The following SIPA1L1 variants were observed in gnomAD, a reference collection of about 807,000 sequenced individuals.
The protein encoded by SIPA1L1 is signal induced proliferation associated 1 like 1.
In SIPA1L1, 26 loss-of-function variants were observed where a neutral mutation model predicts 162.7. The observed-to-expected ratio is 0.16, with a 90% confidence interval of 0.12 to 0.22. The LOEUF is 0.22. Among genes scored for constraint, SIPA1L1 ranks in the 10% least tolerant of loss-of-function variants. The probability of loss-of-function intolerance (pLI) is 1.00; values close to 1 mark genes in which losing one functional copy is unlikely to be tolerated. For missense variants in SIPA1L1, 1,874 were observed against 2,241.0 expected (o/e 0.84, Z 3.31); for synonymous variants, 829 against 837.4 (o/e 0.99, Z 0.17).
chr14:71,415,531 C>G (rs2042695476), intron 2 of SIPA1L1, among the ~76,000 whole-genome samples: 1 of 152,182 alleles, frequency 6.6e-6, no homozygotes, highest in South Asian at 2.1e-4. Flanking sequence ...GAATGTAGCT[C>G]TGCTCTGGTA....
At chr14:71,698,284 A>G (rs1480754469) in intron 13 of SIPA1L1, among the ~76,000 whole-genome samples, 9 of 152,218 alleles carry the variant, frequency 5.9e-5, no homozygotes, top group African/African-American at 1.7e-4. Flanking sequence ...CCACAAAGCT[A>G]TGGTTTCTGC....
chr14:71,460,626 C>T (rs576010016), intron 2 of SIPA1L1, among the ~76,000 whole-genome samples: 22 of 152,260 alleles, frequency 1.4e-4, no homozygotes, highest in South Asian at 6.2e-4. Context: ...CTGGTGGCAG[C>T]GTTCCTCCCT....
At chr14:71,597,006 C>T (rs1249998701) in intron 5 of SIPA1L1, among the ~76,000 whole-genome samples, 1 of 152,116 alleles carries the variant, frequency 6.6e-6, no homozygotes, top group South Asian at 2.1e-4. Flanking sequence ...GGGTCTTCCA[C>T]TGTCACAGGC....
At chr14:71,385,509 A>G (rs1269484540) in intron 2 of SIPA1L1, among the ~76,000 whole-genome samples, 1 of 152,196 alleles carries the variant, frequency 6.6e-6, no homozygotes, top group Non-Finnish European at 1.5e-5. Context: ...TATCCAATAG[A>G]TGTATGCTGT....
chr14:71,667,341 A>G (rs1444523601), intron 10 of SIPA1L1, among the ~76,000 whole-genome samples: 1 of 152,052 alleles, frequency 6.6e-6, no homozygotes, highest in Non-Finnish European at 1.5e-5. Context: ...CCTAAGTGCT[A>G]CCAGTAGCAC....
chr14:71,625,723 A>G (rs972770132), intron 7 of SIPA1L1, among the ~76,000 whole-genome samples: 1 of 152,222 alleles, frequency 6.6e-6, no homozygotes, highest in African/African-American at 2.4e-5. Context: ...AACTTTATTG[A>G]TTCGGTCATT....
chr14:71,738,801 T>C (rs1168102439), intron 23 of SIPA1L1, among the ~76,000 whole-genome samples: 1 of 152,192 alleles, frequency 6.6e-6, no homozygotes, highest in Non-Finnish European at 1.5e-5. Context: ...CCAGGATTAC[T>C]TAGAGCTAAT....
chr14:71,468,042 GTGTGTC>G (rs1372134750), intron 2 of SIPA1L1, among the ~76,000 whole-genome samples: 10 of 150,840 alleles, frequency 6.6e-5, no homozygotes, highest in East Asian at 3.9e-4. Context: ...GTGTGTGTGT[GTGTGTC>G]TGTCTGTGTC....
At chr14:71,646,761 A>C (rs2042208193) in intron 7 of SIPA1L1, among the ~76,000 whole-genome samples, 3 of 152,240 alleles carry the variant, frequency 2.0e-5, no homozygotes, top group Non-Finnish European at 4.4e-5. Context: ...TAAATGACCC[A>C]GAGGTTATCC....
chr14:71,603,998 T>C (rs577738800), intron 5 of SIPA1L1, among the ~76,000 whole-genome samples: 1 of 145,046 alleles, frequency 6.9e-6, no homozygotes, highest in African/African-American at 2.5e-5. Context: ...TATATATATA[T>C]AAATTTTTTT....
rs117357993 is a variant in SIPA1L1, at chr14:71,636,195, C to T, written c.1818+11959C>T. On this transcript the variant is annotated intron_variant, in intron 7 of 23. Transcript: ENST00000381232. ...AAGACATAGAACTTCACAACATCAA[C>T]CAATAGGATCTAATTGACATAAAGC... Among the ~76,000 whole-genome samples, 812 of 152,306 alleles carry T rather than the reference C, an allele frequency of 5.3e-3. 5 individuals carry two copies. The highest frequency in any genetic ancestry group is 9.9e-3 in the South Asian group (48 of 4,828).
chr14:71,544,442 C>T (rs557786360), intron 4 of SIPA1L1, among the ~76,000 whole-genome samples: 16 of 151,876 alleles, frequency 1.1e-4, no homozygotes, highest in South Asian at 2.1e-4. Flanking sequence ...ATTTTCTTAA[C>T]GATGTCTCTT....
intron 7 of SIPA1L1, among the ~76,000 whole-genome samples, chr14:71,626,692 T>C (rs899920168): frequency 1.3e-5 from 2 of 152,190 alleles, no homozygotes; most frequent in African/African-American, 4.8e-5. Flanking sequence ...TTAAAGAGAT[T>C]CATAGTGTGA....
intron 2 of SIPA1L1, among the ~76,000 whole-genome samples, chr14:71,356,363 AAT>A (rs2037238129): frequency 6.6e-6 from 1 of 151,730 alleles, no homozygotes; most frequent in Non-Finnish European, 1.5e-5. Flanking sequence ...TGTTAATTAT[AAT>A]TATAAGCAGT....
intron 2 of SIPA1L1, among the ~76,000 whole-genome samples, chr14:71,323,832 A>G (rs1463639404): frequency 1.3e-5 from 2 of 152,212 alleles, no homozygotes; most frequent in African/African-American, 4.8e-5. Flanking sequence ...ACCTGGCCAC[A>G]TGGAACTTGT....
At chr14:71,543,004 T>A (rs2054617895) in intron 4 of SIPA1L1, among the ~76,000 whole-genome samples, 1 of 152,114 alleles carries the variant, frequency 6.6e-6, no homozygotes, top group South Asian at 2.1e-4. Context: ...TTCTCTGGGA[T>A]GTGAATTCTC....
At chr14:71,705,591 A>G (rs1176991267) in intron 16 of SIPA1L1, among the ~76,000 whole-genome samples, 1 of 152,020 alleles carries the variant, frequency 6.6e-6, no homozygotes, top group African/African-American at 2.4e-5. Context: ...AGTCACTAAC[A>G]ATCCTGAAAT....
chr14:71,332,663 A>G (rs1566898083), intron 2 of SIPA1L1, among the ~76,000 whole-genome samples: 2 of 152,146 alleles, frequency 1.3e-5, no homozygotes, highest in Non-Finnish European at 2.9e-5. Flanking sequence ...GAATCTGGAA[A>G]GCTAGTTATG....
At chr14:71,476,125 C>G (rs974739724) in intron 2 of SIPA1L1, among the ~76,000 whole-genome samples, 1 of 152,156 alleles carries the variant, frequency 6.6e-6, no homozygotes, top group Non-Finnish European at 1.5e-5. Flanking sequence ...TGACCTTTTC[C>G]TTTTGTATAC....
Sources: gnomAD v4.1 joint callset for allele counts (sites outside exome capture counted in the v4.1 genomes callset) on GRCh38, gnomAD v4.1.1 for gene constraint, MANE v1.5 for transcripts, NCBI Gene and HGNC (gene_info 2026-07-23, HGNC 2026-07-21) for gene names.